Variants in OSBPL9 observed in about 807,000 individuals in gnomAD.
The protein encoded by OSBPL9 is oxysterol-binding protein-related protein 9.
Under a neutral mutation model 106.6 loss-of-function variants are expected in OSBPL9, and 40 were observed. The ratio of observed to expected loss-of-function variants is 0.38; its 90% CI spans 0.29 to 0.49. The LOEUF (loss-of-function observed/expected upper bound fraction) is 0.49. Ranked by LOEUF, OSBPL9 falls within the 20% of genes least tolerant of loss-of-function variation. OSBPL9 has a pLI of 0.97. For synonymous variants in OSBPL9, 269 were observed against 295.4 expected (o/e 0.91, Z 0.92); for missense variants, 609 against 887.2 (o/e 0.69, Z 3.98).
chr1:51,565,451 T>C, the OSBPL9 span: 1 of 152,208 alleles, frequency 6.6e-6, no homozygotes, highest in Admixed American at 6.5e-5. Context: ...CTCTAATAAA[T>C]CTATTATTTG....
At chr1:51,576,084 T>A (rs1207521912), upstream of OSBPL9, among the ~76,000 whole-genome samples, 1 of 152,256 alleles carries the variant, frequency 6.6e-6, no homozygotes, top group African/African-American at 2.4e-5. Flanking sequence ...CCATGTCACA[T>A]AAAACTTACA....
chr1:51,669,963 G>T (rs1464443852), intron 3 of OSBPL9: 2 of 356,534 alleles, frequency 5.6e-6, no homozygotes, highest in African/African-American at 2.1e-5. Flanking sequence ...TAAAGGTTTT[G>T]CTCTGCTTCA....
chr1:51,710,421 G>T (rs894755151), intron 3 of OSBPL9, among the ~76,000 whole-genome samples: 1 of 152,190 alleles, frequency 6.6e-6, no homozygotes, highest in Non-Finnish European at 1.5e-5. Flanking sequence ...TAAATATTAT[G>T]ATTGTATGTA....
intron 1 of OSBPL9, among the ~76,000 whole-genome samples, chr1:51,597,170 G>A (rs1169485886): frequency 2.0e-5 from 3 of 152,138 alleles, no homozygotes; most frequent in Non-Finnish European, 4.4e-5. Flanking sequence ...GAGGAAGGAG[G>A]TGAGGCTGGA....
Position 51,785,906 on chromosome 1 carries a change from C to T in OSBPL9, c.1908+20C>T. ...ACAGGGGTAAGATCCTCTATTTTGC[C>T]ACTTGTTTTAGGCTACATTAGATTG... On this transcript the variant is annotated intron_variant, in intron 21 of 23. Coordinates refer to ENST00000428468, the MANE Select transcript of OSBPL9 (RefSeq NM_024586.6). 6.3e-7 allele frequency: 1 copy of T among 1,599,732 alleles called. No homozygotes were observed. Among genetic ancestry groups the T allele is most frequent in the Non-Finnish European group, 8.5e-7 (1 of 1,169,840 alleles).
chr1:51,519,042 G>A, the OSBPL9 span, among the ~76,000 whole-genome samples: 1 of 151,208 alleles, frequency 6.6e-6, no homozygotes, highest in Non-Finnish European at 1.5e-5. Context: ...GCGCCCTCCC[G>A]CAGTCGCACC....
intron 3 of OSBPL9, among the ~76,000 whole-genome samples, chr1:51,703,961 C>T (rs549685955): frequency 6.6e-6 from 1 of 152,148 alleles, no homozygotes; most frequent in South Asian, 2.1e-4. Context: ...TATGTTGAAC[C>T]AGCCTTGCAT....
the OSBPL9 span, among the ~76,000 whole-genome samples, chr1:51,524,905 A>G: frequency 6.6e-6 from 1 of 152,186 alleles, no homozygotes; most frequent in Non-Finnish European, 1.5e-5. Context: ...GCAGGTTTCA[A>G]AGCATTTTCT....
At chr1:51,752,462 T>C (rs1049835235) in intron 8 of OSBPL9, 12 of 453,552 alleles carry the variant, frequency 2.6e-5, no homozygotes, top group Admixed American at 2.1e-4. Flanking sequence ...GTTTACACGA[T>C]ATATTTGTTT....
chr1:51,739,586 T>C (rs1666438042), intron 4 of OSBPL9, among the ~76,000 whole-genome samples: 1 of 151,964 alleles, frequency 6.6e-6, no homozygotes, highest in African/African-American at 2.4e-5. Context: ...TAAGGTATAG[T>C]GAAAGGAAAG....
At chr1:51,562,764 T>G in the OSBPL9 span, among the ~76,000 whole-genome samples, 1 of 152,168 alleles carries the variant, frequency 6.6e-6, no homozygotes, top group African/African-American at 2.4e-5. Context: ...TCCTGGCAGT[T>G]GAGGCCGTTC....
At chr1:51,691,490 A>G (rs1378962153) in intron 3 of OSBPL9, among the ~76,000 whole-genome samples, 2 of 151,566 alleles carry the variant, frequency 1.3e-5, no homozygotes, top group Non-Finnish European at 2.9e-5. Flanking sequence ...AGCCTAATGT[A>G]CACCTAAGGC....
the OSBPL9 span, among the ~76,000 whole-genome samples, chr1:51,528,770 G>GGT: frequency 6.6e-6 from 1 of 151,414 alleles, no homozygotes; most frequent in Admixed American, 6.6e-5. Context: ...CTCCTCAGGG[G>GGT]GCTAACGTGG....
chr1:51,541,743 A>G, the OSBPL9 span, among the ~76,000 whole-genome samples: 1 of 152,350 alleles, frequency 6.6e-6, no homozygotes, highest in East Asian at 1.9e-4. Flanking sequence ...GAAGCAACAA[A>G]TAGTTAACAA....
At chr1:51,530,215 A>G in the OSBPL9 span, among the ~76,000 whole-genome samples, 9 of 146,702 alleles carry the variant, frequency 6.1e-5, no homozygotes, top group African/African-American at 2.3e-4. Flanking sequence ...ACCTCTAAGA[A>G]GAAAACATAG....
chr1:51,533,888 T>C, the OSBPL9 span, among the ~76,000 whole-genome samples: 226 of 148,024 alleles, frequency 1.5e-3, 2 homozygotes, highest in Admixed American at 0.011. Context: ...ATACTGAGGT[T>C]AGGGGTTAGA....
chr1:51,723,881 G>A (rs1049793402), intron 4 of OSBPL9, among the ~76,000 whole-genome samples: 1 of 152,166 alleles, frequency 6.6e-6, no homozygotes, highest in African/African-American at 2.4e-5. Flanking sequence ...GAGTGCCATT[G>A]TTGGATCATA....
chr1:51,693,382 A>G (rs1194186280), intron 3 of OSBPL9, among the ~76,000 whole-genome samples: 2 of 152,048 alleles, frequency 1.3e-5, no homozygotes, highest in African/African-American at 4.8e-5. Context: ...GTCTTTAAAA[A>G]AAAAAAAAGA....
intron 1 of OSBPL9, among the ~76,000 whole-genome samples, chr1:51,590,028 G>T (rs1428808842): frequency 9.6e-6 from 1 of 104,080 alleles, no homozygotes; most frequent in Non-Finnish European, 1.8e-5. Flanking sequence ...GTGAGACTCC[G>T]TCTCAAAAAA....
Sources: allele counts gnomAD v4.1 joint callset (sites outside exome capture counted in the v4.1 genomes callset), GRCh38; gene constraint gnomAD v4.1.1; transcripts MANE v1.5; gene names NCBI Gene and HGNC (gene_info 2026-07-23, HGNC 2026-07-21).